CALN1: variants seen among roughly 807,000 people sequenced by gnomAD.
CALN1 encodes calneuron 1, also known as calcium-binding protein 8.
In CALN1, 17 loss-of-function variants were observed where a neutral mutation model predicts 30.6. The ratio of observed to expected loss-of-function variants is 0.56; its 90% CI spans 0.38 to 0.83. The LOEUF (loss-of-function observed/expected upper bound fraction) is 0.83. Ranked by LOEUF, CALN1 falls within the 40% of genes least tolerant of loss-of-function variation. The pLI, the probability that CALN1 is intolerant of heterozygous loss-of-function variation, is 0.00. For missense variants in CALN1, 291 were observed against 354.9 expected (o/e 0.82, Z 1.45); for synonymous variants, 156 against 131.4 (o/e 1.19, Z -1.28).
At chr7:72,481,048 G>T in the CALN1 span, among the ~76,000 whole-genome samples, 1 of 152,132 alleles carries the variant, frequency 6.6e-6, no homozygotes, top group African/African-American at 2.4e-5. Context: ...CGCTTCCCGG[G>T]TTCAAGCGAT....
intron 4 of CALN1, among the ~76,000 whole-genome samples, chr7:72,027,167 A>C (rs1373969890): frequency 6.6e-6 from 1 of 152,322 alleles, no homozygotes; most frequent in Non-Finnish European, 1.5e-5. Context: ...CAAAATTTCA[A>C]GAGGGTGGGA....
Position 72,263,126 on chromosome 7 carries a change from CATA to C in CALN1, c.244+15557_244+15559del, listed in dbSNP as rs959688347. ...GGTCCTTTGTCTGGGTTTGTTCCATCATAATAAGCATCATCATCATAACAATAA... is the reference window on the plus strand; with the variant it reads ...GGTCCTTTGTCTGGGTTTGTTCCATCATAAGCATCATCATCATAACAATAA... On this transcript the variant is annotated intron_variant, in intron 3 of 6. Transcript: ENST00000395275. Among the ~76,000 whole-genome samples, 3 of 152,250 alleles carry C rather than the reference CATA, an allele frequency of 2.0e-5. No individual in the cohort carries two copies. In the South Asian group the frequency reaches 6.2e-4, roughly 32 times the overall value.
At chr7:72,228,500 T>C (rs1585215235) in intron 3 of CALN1, among the ~76,000 whole-genome samples, 1 of 151,874 alleles carries the variant, frequency 6.6e-6, no homozygotes, top group South Asian at 2.1e-4. Flanking sequence ...GGTAATTTGA[T>C]GGTATATAAA....
At chr7:72,079,538 A>C (rs1382250892) in intron 4 of CALN1, among the ~76,000 whole-genome samples, 1 of 152,088 alleles carries the variant, frequency 6.6e-6, no homozygotes, top group East Asian at 1.9e-4. Context: ...AATGGCAAAA[A>C]CCGCAATTAC....
chr7:71,884,057 G>C (rs2116835142), intron 5 of CALN1, among the ~76,000 whole-genome samples: 1 of 152,198 alleles, frequency 6.6e-6, no homozygotes, highest in Non-Finnish European at 1.5e-5. Context: ...GGGACTACAG[G>C]TGTGCGCCAC....
intron 3 of CALN1, among the ~76,000 whole-genome samples, chr7:72,193,191 AAAAAAG>A (rs1356245552): frequency 2.0e-5 from 2 of 100,734 alleles, no homozygotes; most frequent in Non-Finnish European, 2.9e-5. Context: ...CCATCTCAAA[AAAAAAG>A]AAAAGAGAAA....
chr7:71,868,532 C>A lies in CALN1; in HGVS notation c.502-58040G>T, dbSNP rs112060621. On this transcript the variant is annotated intron_variant, in intron 5 of 6. Transcript: ENST00000395275. ...GATTACAGATGTCCGCCACCACGCC[C>A]GGCTAATTTTTGTAGTTTTAGTAGA... Among the ~76,000 whole-genome samples, 11 of 151,950 alleles carry A rather than the reference C, an allele frequency of 7.2e-5. No homozygotes were observed. In the South Asian group the frequency reaches 2.1e-3, roughly 29 times the overall value.
chr7:72,344,810 A>G (rs1365593339), intron 2 of CALN1, among the ~76,000 whole-genome samples: 1 of 147,640 alleles, frequency 6.8e-6, no homozygotes, highest in Non-Finnish European at 1.5e-5. Flanking sequence ...AAAAAATGAA[A>G]TCCAGGTTAA....
intron 1 of CALN1, among the ~76,000 whole-genome samples, chr7:72,428,409 T>G (rs1239781794): frequency 1.3e-5 from 2 of 151,676 alleles, no homozygotes; most frequent in Non-Finnish European, 2.9e-5. Context: ...TTTTTTTTTT[T>G]GAGACACAGT....
At chr7:72,262,048 G>A (rs1796304035) in intron 3 of CALN1, among the ~76,000 whole-genome samples, 1 of 152,196 alleles carries the variant, frequency 6.6e-6, no homozygotes, top group Non-Finnish European at 1.5e-5. Flanking sequence ...TAGAGAGGAA[G>A]GCAGAGAAAT....
chr7:72,385,804 G>C (rs1395513545), intron 2 of CALN1, among the ~76,000 whole-genome samples: 3 of 152,214 alleles, frequency 2.0e-5, no homozygotes, highest in African/African-American at 7.2e-5. Flanking sequence ...GCCATGTCAA[G>C]AAAGTCCTTG....
At chr7:72,418,945 G>T (rs1585708483) in intron 1 of CALN1, among the ~76,000 whole-genome samples, 1 of 152,278 alleles carries the variant, frequency 6.6e-6, no homozygotes, top group Non-Finnish European at 1.5e-5. Flanking sequence ...GAGCCCAGGA[G>T]GTTGAGGCTA....
chr7:72,501,881 C>G, the CALN1 span, among the ~76,000 whole-genome samples: 15 of 126,690 alleles, frequency 1.2e-4, no homozygotes, highest in Non-Finnish European at 2.0e-4. Flanking sequence ...TGCACTCCAG[C>G]CTGGGCAACA....
intron 1 of CALN1, among the ~76,000 whole-genome samples, chr7:72,436,462 T>C (rs1194331213): frequency 6.6e-6 from 1 of 152,194 alleles, no homozygotes; most frequent in Admixed American, 6.5e-5. Flanking sequence ...TCTTTTTCTT[T>C]ATAAATTACC....
At chr7:72,268,400 A>G (rs1243669605) in intron 3 of CALN1, among the ~76,000 whole-genome samples, 2 of 152,252 alleles carry the variant, frequency 1.3e-5, no homozygotes, top group South Asian at 2.1e-4. Flanking sequence ...TACCAGTAAC[A>G]TGGCTGTAGG....
chr7:72,309,831 C>G (rs1412465331), intron 2 of CALN1, among the ~76,000 whole-genome samples: 2 of 152,178 alleles, frequency 1.3e-5, no homozygotes, highest in East Asian at 3.9e-4. Flanking sequence ...TCCTTCATCA[C>G]CAGGTCCAGG....
rs374886973 is a variant in CALN1 at position 71,978,561 on chromosome 7, C to A, written c.501+45096G>T. Among the ~76,000 whole-genome samples, 6 of 152,232 alleles carry A rather than the reference C, an allele frequency of 3.9e-5. No homozygotes were observed. In the East Asian group the frequency reaches 7.7e-4, roughly 20 times the overall value. ...AGTGCTGGGATTACAGGCATGAATTCTTTACGGTGCTGGCCGAAGAACAGT... is the reference window on the plus strand; with the variant it reads ...AGTGCTGGGATTACAGGCATGAATTATTTACGGTGCTGGCCGAAGAACAGT... On this transcript the variant is annotated intron_variant, in intron 5 of 6. Transcript: ENST00000395275.
At chr7:71,968,674 GCCGGGAC>G (rs1254999132) in intron 5 of CALN1, among the ~76,000 whole-genome samples, 2 of 151,956 alleles carry the variant, frequency 1.3e-5, no homozygotes, top group Non-Finnish European at 2.9e-5. Flanking sequence ...GAGCCACCGT[GCCGGGAC>G]CCGGGGTGAT....
At chr7:72,123,153 T>C (rs1269728893) in intron 3 of CALN1, among the ~76,000 whole-genome samples, 1 of 152,200 alleles carries the variant, frequency 6.6e-6, no homozygotes, top group African/African-American at 2.4e-5. Context: ...GCTTGACTTC[T>C]CACTCCTAAT....
Sources: allele counts gnomAD v4.1 joint callset (sites outside exome capture counted in the v4.1 genomes callset), GRCh38; gene constraint gnomAD v4.1.1; transcripts MANE v1.5; gene names NCBI Gene and HGNC (gene_info 2026-07-23, HGNC 2026-07-21).